TRAPPC9: variants seen among roughly 807,000 people sequenced by gnomAD.
TRAPPC9 encodes the protein IKK2 binding protein.
A neutral mutation model predicts 124.0 loss-of-function variants in TRAPPC9; 83 were observed. The ratio of observed to expected loss-of-function variants is 0.67; its 90% CI spans 0.56 to 0.80. The LOEUF (loss-of-function observed/expected upper bound fraction) is 0.80, where lower values mean the gene tolerates loss of function less well. TRAPPC9 is among the 30% of genes least tolerant of loss of function. The pLI, the probability that TRAPPC9 is intolerant of heterozygous loss-of-function variation, is 0.00. For synonymous variants in TRAPPC9, 638 were observed against 617.5 expected (o/e 1.03, Z -0.49); for missense variants, 1,302 against 1,508.3 (o/e 0.86, Z 2.27).
At chr8:139,820,118 T>A (rs972060528) in intron 21 of TRAPPC9, among the ~76,000 whole-genome samples, 2 of 152,020 alleles carry the variant, frequency 1.3e-5, no homozygotes, top group African/African-American at 4.8e-5. Context: ...GACATTTTTT[T>A]AATTTCAGAT....
chr8:139,964,093 G>A (rs1015073320), intron 19 of TRAPPC9, among the ~76,000 whole-genome samples: 6 of 151,974 alleles, frequency 3.9e-5, no homozygotes, highest in African/African-American at 9.7e-5. Context: ...GCGTGGTGGC[G>A]GGCACCTGTA....
chr8:140,380,293 G>A (rs1334285117), intron 7 of TRAPPC9, among the ~76,000 whole-genome samples: 1 of 152,202 alleles, frequency 6.6e-6, no homozygotes, highest in Non-Finnish European at 1.5e-5. Flanking sequence ...TTCCACAAGA[G>A]TGCCAATGGG....
In TRAPPC9 at chr8:140,404,786, TTGTA is replaced by T. The variant is rs144671865; in HGVS notation, c.1008+787_1008+790del. On this transcript the variant is annotated intron_variant, in intron 6 of 22. Transcript: ENST00000438773. ...CATGTGTGTGCGTGTGTGAGCATGC[TTGTA>T]TGTATGTGTGTGTGAACATGTGTGT... is the stretch of plus-strand genomic sequence containing the variant. Among the ~76,000 whole-genome samples the T allele has an allele frequency of 8.7e-3, 1,310 of 150,022 alleles. 15 individuals are homozygous for T. The highest frequency in any genetic ancestry group is 0.029 in the African/African-American group (1,197 of 40,664).
rs117141261 is a variant in TRAPPC9, at chr8:140,022,699, G to A, written c.2699+1238C>T. On this transcript the variant is annotated intron_variant, in intron 18 of 22. Transcript: ENST00000438773. ...AAGGGCCTGAAATACTCTAACATCCGCAGCCATCCTGGCCAAGCTTCCCCA... is the reference window on the plus strand; with the variant it reads ...AAGGGCCTGAAATACTCTAACATCCACAGCCATCCTGGCCAAGCTTCCCCA... 6.3e-3 allele frequency among the ~76,000 whole-genome samples: 965 copies of A among 152,266 alleles called. 12 individuals are homozygous for A. Among genetic ancestry groups the A allele is most frequent in the East Asian group, 0.045 (231 of 5,180 alleles).
intron 17 of TRAPPC9, among the ~76,000 whole-genome samples, chr8:140,116,842 G>T (rs2060896819): frequency 6.7e-6 from 1 of 148,706 alleles, no homozygotes; most frequent in African/African-American, 2.5e-5. Context: ...TCAGTGAGTA[G>T]GCGGAGTTCA....
intron 19 of TRAPPC9, among the ~76,000 whole-genome samples, chr8:139,979,391 G>C (rs1333009445): frequency 3.9e-5 from 6 of 152,210 alleles, no homozygotes; most frequent in African/African-American, 1.4e-4. Flanking sequence ...GCACAGGCCA[G>C]ATGGAGGACC....
chr8:140,290,332 C>T lies in TRAPPC9; in HGVS notation c.1854+661G>A, dbSNP rs117537306. ...GCTGAAAAGTTACACAGCAGCACCACACAGCAATGCAGAGAAGACTTGAGG... is the reference window on the plus strand; with the variant it reads ...GCTGAAAAGTTACACAGCAGCACCATACAGCAATGCAGAGAAGACTTGAGG... On this transcript the variant is annotated intron_variant, in intron 12 of 22. Coordinates refer to ENST00000438773, the MANE Select transcript of TRAPPC9 (RefSeq NM_001160372.4). 2.2e-4 allele frequency among the ~76,000 whole-genome samples: 34 copies of T among 152,336 alleles called. 1 individual carries two copies. Among genetic ancestry groups the T allele is most frequent in the Non-Finnish European group, 4.4e-4 (30 of 68,032 alleles).
intron 17 of TRAPPC9, among the ~76,000 whole-genome samples, chr8:140,050,753 C>T (rs1276359141): frequency 6.6e-6 from 1 of 152,158 alleles, no homozygotes; most frequent in Non-Finnish European, 1.5e-5. Flanking sequence ...AGTCACCAGC[C>T]TGGGGTCCCA....
intron 6 of TRAPPC9, among the ~76,000 whole-genome samples, chr8:140,399,622 A>G (rs1014443202): frequency 1.9e-4 from 29 of 152,214 alleles, no homozygotes; most frequent in Non-Finnish European, 3.5e-4. Context: ...TATTTACCCA[A>G]TGTGTATACC....
intron 17 of TRAPPC9, among the ~76,000 whole-genome samples, chr8:140,181,736 T>G (rs2062209420): frequency 6.6e-6 from 1 of 152,204 alleles, no homozygotes; most frequent in South Asian, 2.1e-4. Flanking sequence ...TCCTGAGGTA[T>G]AAATTCTCCC....
chr8:140,095,502 G>A (rs1844876040), intron 17 of TRAPPC9: 1 of 152,244 alleles, frequency 6.6e-6, no homozygotes, highest in Non-Finnish European at 1.5e-5. Context: ...AAGTGGAGAG[G>A]GAGGCTGCAG....
chr8:139,841,735 T>A (rs992026648), intron 21 of TRAPPC9, among the ~76,000 whole-genome samples: 12 of 152,214 alleles, frequency 7.9e-5, no homozygotes, highest in African/African-American at 2.9e-4. Context: ...GGCACCCCCA[T>A]GCTGGGCCCT....
chr8:140,233,902 T>C (rs1027382170), intron 16 of TRAPPC9, among the ~76,000 whole-genome samples: 1 of 152,134 alleles, frequency 6.6e-6, no homozygotes, highest in Non-Finnish European at 1.5e-5. Flanking sequence ...ACTCACAGCA[T>C]CACATATTCT....
chr8:139,838,993 A>C (rs1826551334), intron 21 of TRAPPC9, among the ~76,000 whole-genome samples: 1 of 152,160 alleles, frequency 6.6e-6, no homozygotes, highest in African/African-American at 2.4e-5. Context: ...GGAGGGGTGG[A>C]ATTCTCCCTT....
At chr8:139,813,539 G>A (rs1407666202) in intron 21 of TRAPPC9, among the ~76,000 whole-genome samples, 2 of 152,242 alleles carry the variant, frequency 1.3e-5, no homozygotes, top group Non-Finnish European at 2.9e-5. Flanking sequence ...GGGAGCACCA[G>A]GCCTCCCTGA....
chr8:140,374,064 T>C (rs2068363536), intron 7 of TRAPPC9, among the ~76,000 whole-genome samples: 1 of 152,268 alleles, frequency 6.6e-6, no homozygotes, highest in Non-Finnish European at 1.5e-5. Flanking sequence ...GTGCCTTCTA[T>C]GTCCTCATCT....
intron 7 of TRAPPC9, among the ~76,000 whole-genome samples, chr8:140,376,987 C>G (rs1160676236): frequency 6.6e-6 from 1 of 152,010 alleles, no homozygotes; most frequent in East Asian, 1.9e-4. Context: ...TCCTAGACTA[C>G]CAGGTATACC....
chr8:139,964,396 C>T (rs1293616998), intron 19 of TRAPPC9, among the ~76,000 whole-genome samples: 2 of 152,058 alleles, frequency 1.3e-5, no homozygotes, highest in Non-Finnish European at 2.9e-5. Flanking sequence ...GGAATGCACT[C>T]TCTCACAGAG....
At chr8:140,048,894 C>A (rs143297841) in intron 17 of TRAPPC9, among the ~76,000 whole-genome samples, 1 of 152,156 alleles carries the variant, frequency 6.6e-6, no homozygotes, top group Non-Finnish European at 1.5e-5. Context: ...CCCCTCTAGT[C>A]GAAGGCAGGA....
Sources: gnomAD v4.1 joint callset for allele counts (sites outside exome capture counted in the v4.1 genomes callset) on GRCh38, gnomAD v4.1.1 for gene constraint, MANE v1.5 for transcripts, NCBI Gene and HGNC (gene_info 2026-07-23, HGNC 2026-07-21) for gene names.